CHD9: variants seen among roughly 807,000 people sequenced by gnomAD.
The protein encoded by CHD9 is chromodomain helicase DNA binding protein 9, also known as ATP-dependent chromatin remodeler CHD9.
Under a neutral mutation model 316.1 loss-of-function variants are expected in CHD9, and 77 were observed. That is an observed-to-expected ratio of 0.24 (90% confidence interval 0.20 to 0.29). CHD9 has a LOEUF of 0.29. Ranked by LOEUF, CHD9 falls within the 10% of genes least tolerant of loss-of-function variation. CHD9 has a pLI of 1.00. For synonymous variants in CHD9, 1,129 were observed against 1,158.3 expected (o/e 0.97, Z 0.51); for missense variants, 2,763 against 3,438.1 (o/e 0.80, Z 4.91).
intron 1 of CHD9, among the ~76,000 whole-genome samples, chr16:53,063,896 G>T: frequency 7.0e-6 from 1 of 142,964 alleles, no homozygotes. Flanking sequence ...GTCCAGTGTT[G>T]TGATCATAGC....
intron 10 of CHD9, among the ~76,000 whole-genome samples, chr16:53,234,699 C>T (rs916650316): frequency 6.6e-6 from 1 of 151,998 alleles, no homozygotes; most frequent in Non-Finnish European, 1.5e-5. Flanking sequence ...CACTTGGCCT[C>T]CAAAAGTGCT....
At chr16:53,133,696 T>C (rs2039503605) in intron 1 of CHD9, among the ~76,000 whole-genome samples, 1 of 152,154 alleles carries the variant, frequency 6.6e-6, no homozygotes, top group Non-Finnish European at 1.5e-5. Flanking sequence ...TGAATACAGA[T>C]AGAAAACGGT....
At chr16:53,130,250 C>G (rs2039162099) in intron 1 of CHD9, among the ~76,000 whole-genome samples, 1 of 152,040 alleles carries the variant, frequency 6.6e-6, no homozygotes, top group African/African-American at 2.4e-5. Context: ...CTCCGTGCTC[C>G]CGATTCTACA....
intron 1 of CHD9, among the ~76,000 whole-genome samples, chr16:53,076,398 A>G (rs2034528479): frequency 6.6e-6 from 1 of 152,108 alleles, no homozygotes; most frequent in Admixed American, 6.6e-5. Context: ...AACATGGCAA[A>G]ACCCCATCTC....
chr16:53,252,130 C>T (rs2050179090), intron 17 of CHD9, among the ~76,000 whole-genome samples: 1 of 152,124 alleles, frequency 6.6e-6, no homozygotes, highest in South Asian at 2.1e-4. Context: ...CTGAAGGCAT[C>T]ACACTACCTG....
chr16:53,217,782 A>G (rs1046376552), intron 3 of CHD9, among the ~76,000 whole-genome samples: 8 of 151,972 alleles, frequency 5.3e-5, no homozygotes, highest in Non-Finnish European at 8.8e-5. Context: ...AAAAATTATA[A>G]TATTTTAGAA....
intron 3 of CHD9, among the ~76,000 whole-genome samples, chr16:53,219,814 G>C (rs144185167): frequency 6.6e-6 from 1 of 152,122 alleles, no homozygotes; most frequent in East Asian, 1.9e-4. Flanking sequence ...TAAAATAATA[G>C]TACTTCCCTT....
chr16:53,314,262 C>T (rs2056711212), intron 34 of CHD9, 115 bp from the exon 35 acceptor site: 4 of 669,330 alleles, frequency 6.0e-6, no homozygotes, highest in Admixed American at 3.8e-5. Flanking sequence ...AAAGTTTCTA[C>T]ATTAAAGATG....
At chr16:53,148,213 A>AT (rs1240945608) in intron 1 of CHD9, among the ~76,000 whole-genome samples, 2 of 152,090 alleles carry the variant, frequency 1.3e-5, no homozygotes, top group Admixed American at 6.6e-5. Flanking sequence ...CCTCCAAAAA[A>AT]ATATATAAAA....
chr16:53,060,452 T>A (rs2032733256), intron 1 of CHD9, among the ~76,000 whole-genome samples: 1 of 151,874 alleles, frequency 6.6e-6, no homozygotes, highest in Non-Finnish European at 1.5e-5. Flanking sequence ...CATTTCTATT[T>A]TAAAAATTTT....
Position 53,307,914 on chromosome 16 carries a change from G to A in CHD9, c.7014G>A (p.Lys2338=), listed in dbSNP as rs1297864475. Residue 2338 remains lysine, a synonymous_variant, in exon 33 of 39, where the codon AAG becomes AAA. Transcript: ENST00000447540. The part of the protein sequence containing the change: ...DQSTQMSKVK[K]HVREKEFTVK... Reference sequence around the variant, plus strand: ...CAACACAGATGTCAAAGGTGAAGAAGCATGTACGAGAAAAGGAGTTTACAG... The same window carrying A: ...CAACACAGATGTCAAAGGTGAAGAAACATGTACGAGAAAAGGAGTTTACAG... 1 of 1,612,580 alleles carries A rather than the reference G, an allele frequency of 6.2e-7. No homozygotes were observed. The highest frequency in any genetic ancestry group is 1.7e-5 in the Admixed American group (1 of 59,772).
chr16:53,129,096 T>TA (rs1263759135), intron 1 of CHD9, among the ~76,000 whole-genome samples: 3 of 152,208 alleles, frequency 2.0e-5, no homozygotes, highest in East Asian at 3.8e-4. Flanking sequence ...ATTCACTGAT[T>TA]AAAATGGCAT....
At chr16:53,227,286 A>G in intron 5 of CHD9, 110 bp from the exon 6 acceptor site, 1 of 667,878 alleles carries the variant, frequency 1.5e-6, no homozygotes, top group Middle Eastern at 3.3e-4. Flanking sequence ...TCTAGCATAT[A>G]TGCTGTATAA....
chr16:53,132,118 TTG>T (rs1477639975), intron 1 of CHD9, among the ~76,000 whole-genome samples: 1 of 152,120 alleles, frequency 6.6e-6, no homozygotes, highest in Non-Finnish European at 1.5e-5. Flanking sequence ...GGGGGGTGGT[TTG>T]CTTTTTTTTC....
At chr16:53,282,372 G>T (rs542361191) in intron 24 of CHD9, among the ~76,000 whole-genome samples, 1 of 152,144 alleles carries the variant, frequency 6.6e-6, no homozygotes, top group Non-Finnish European at 1.5e-5. Context: ...ACTTAAGGCC[G>T]TGGCAAGTGG....
At chr16:53,189,009 T>A (rs1176311294) in intron 2 of CHD9, among the ~76,000 whole-genome samples, 2 of 152,184 alleles carry the variant, frequency 1.3e-5, no homozygotes, top group Non-Finnish European at 2.9e-5. Flanking sequence ...TCTTATCAGG[T>A]TTTTTAAATT....
chr16:53,297,528 A>G (rs2054911930), intron 30 of CHD9, among the ~76,000 whole-genome samples: 1 of 152,200 alleles, frequency 6.6e-6, no homozygotes, highest in African/African-American at 2.4e-5. Context: ...ATAATTTTGC[A>G]AGGAATGAAG....
chr16:53,293,801 A>G (rs931126893), intron 29 of CHD9, among the ~76,000 whole-genome samples: 1 of 152,094 alleles, frequency 6.6e-6, no homozygotes, highest in African/African-American at 2.4e-5. Flanking sequence ...AAATACAAAA[A>G]TTAGCCAGGT....
chr16:53,178,060 G>T (rs1234525324), intron 2 of CHD9, among the ~76,000 whole-genome samples: 1 of 152,168 alleles, frequency 6.6e-6, no homozygotes, highest in Admixed American at 6.6e-5. Context: ...GCTCAGGCAG[G>T]TTCTGCAAGT....
Sources: allele counts gnomAD v4.1 joint callset (sites outside exome capture counted in the v4.1 genomes callset), GRCh38; gene constraint gnomAD v4.1.1; transcripts MANE v1.5; gene names NCBI Gene and HGNC (gene_info 2026-07-23, HGNC 2026-07-21).